Variants in SLC6A20 observed in about 807,000 individuals in gnomAD.
The protein encoded by SLC6A20 is solute carrier family 6 member 20, also known as sodium- and chloride-dependent transporter XTRP3.
Under a neutral mutation model 64.3 loss-of-function variants are expected in SLC6A20, and 73 were observed. That is an observed-to-expected ratio of 1.14 (90% CI 0.94 to 1.38). The LOEUF is 1.38. SLC6A20 is among the 40% of genes most tolerant of loss of function. The pLI is 0.00. For missense variants in SLC6A20, 725 were observed against 772.8 expected (o/e 0.94, Z 0.73); for synonymous variants, 347 against 329.6 (o/e 1.05, Z -0.57).
intron 8 of SLC6A20, among the ~76,000 whole-genome samples, chr3:45,763,594 T>G (rs1016433374): frequency 3.3e-5 from 5 of 152,128 alleles, no homozygotes; most frequent in Non-Finnish European, 7.4e-5. Context: ...TGCCAGGCAC[T>G]TGCAATGCGT....
Position 45,762,926 on chromosome 3 carries a change from A to G in SLC6A20, c.1450T>C (p.Tyr484His), listed in dbSNP as rs1335438107. The change falls in exon 9 of 11, where the codon TAC (tyrosine) becomes CAC (histidine). Residue 484 changes from tyrosine (Y) to histidine (H), a missense_variant. Transcript: ENST00000358525. ...LVETIAVCYV[Y>H]GLRRFESDLK... ...GGGCCTCCTCACCTCCTCAGCCCGT[A>G]CACGTAGCACACGGCAATCGTCTCC... 6.2e-7 allele frequency: 1 copy of G among 1,614,148 alleles called. No homozygotes were observed. Among genetic ancestry groups the G allele is most frequent in the Non-Finnish European group, 8.5e-7 (1 of 1,180,022 alleles).
intron 9 of SLC6A20, 100 bp from the exon 10 acceptor site, chr3:45,760,122 A>G (rs1699644008): frequency 7.4e-7 from 1 of 1,348,150 alleles, no homozygotes; most frequent in East Asian, 2.3e-5. Context: ...ATTCTGTTCT[A>G]GGTGGTAAAG....
chr3:45,757,178 G>A lies in SLC6A20; in HGVS notation c.*1800C>T, dbSNP rs1287190428. Reference sequence around the variant, plus strand: ...TCTCCTATCTCAGAATAGAACGAATGGGAATGGTCAGCTTTTTACACCGAG... The same window carrying A: ...TCTCCTATCTCAGAATAGAACGAATAGGAATGGTCAGCTTTTTACACCGAG... On this transcript the variant is annotated 3_prime_UTR_variant, in exon 11 of 11. Transcript: ENST00000358525. 1 of 58,128 alleles carries A rather than the reference G, an allele frequency of 1.7e-5. No homozygotes were observed. The highest frequency in any genetic ancestry group is 3.2e-5 in the Non-Finnish European group (1 of 31,562). 3.6% of individuals were successfully genotyped at this position (58,128 alleles called of 1,614,324 possible). A position where few individuals can be genotyped will look rare whatever the true frequency, so the allele number is the denominator to read the frequency against.
chr3:45,774,500 G>A (rs1315764632), intron 4 of SLC6A20, among the ~76,000 whole-genome samples: 1 of 152,192 alleles, frequency 6.6e-6, no homozygotes, highest in African/African-American at 2.4e-5. Flanking sequence ...GAGCACCTGT[G>A]CTCACTCGTC....
intron 4 of SLC6A20, among the ~76,000 whole-genome samples, chr3:45,774,968 C>T (rs991248999): frequency 6.6e-6 from 1 of 152,094 alleles, no homozygotes; most frequent in African/African-American, 2.4e-5. Context: ...GTGCTCAAGC[C>T]GTGGTGGGTC....
At position 45,756,637 on chromosome 3, in the gene SLC6A20, T is replaced by G. The variant is rs563572900; in HGVS notation, c.*2341A>C. On this transcript the variant is annotated 3_prime_UTR_variant, in exon 11 of 11. Coordinates refer to ENST00000358525, the MANE Select transcript of SLC6A20 (RefSeq NM_020208.4). Reference sequence around the variant, plus strand: ...TCCGGCCAACGTCCCAGGTGAGTGTTTGTGTCTTCAAAGATATCTGTGCAA... The same window carrying G: ...TCCGGCCAACGTCCCAGGTGAGTGTGTGTGTCTTCAAAGATATCTGTGCAA... 9.2e-5 allele frequency: 14 copies of G among 152,276 alleles called. No homozygotes were observed. The highest frequency in any genetic ancestry group is 3.4e-4 in the African/African-American group (14 of 41,550). The allele number at this position is 152,276 out of a possible 1,614,324, so 9.4% of individuals were successfully genotyped here.
intron 10 of SLC6A20, 85 bp downstream of exon 10, chr3:45,759,772 A>C: frequency 6.8e-7 from 1 of 1,470,462 alleles, no homozygotes; most frequent in Non-Finnish European, 9.1e-7. Context: ...CCATGGAAAT[A>C]GTCCCCTGGT....
At chr3:45,772,660 T>A (rs1222302132) in intron 4 of SLC6A20, 45 bp from the exon 5 acceptor site, 3 of 1,505,072 alleles carry the variant, frequency 2.0e-6, no homozygotes, top group African/African-American at 2.7e-5. Flanking sequence ...AGCAGTGGGG[T>A]CCACAGGACA....
chr3:45,777,721 G>A (rs1559568193), intron 3 of SLC6A20, among the ~76,000 whole-genome samples: 1 of 152,162 alleles, frequency 6.6e-6, no homozygotes, highest in Non-Finnish European at 1.5e-5. Context: ...AGGGGTCCTG[G>A]TAGACCTGAA....
In SLC6A20 at chr3:45,765,592, G is replaced by A. The variant is rs139256040; in HGVS notation, c.1248C>T (p.Thr416=). Residue 416 remains threonine (T), a synonymous_variant, in exon 8 of 11, where the codon ACC becomes ACT. Transcript: ENST00000358525. The surrounding 1 kb of genome is among the most constrained non-coding windows in gnomAD (Gnocchi z 4.2). ...AGATGATCTTGCTGTCTGTCAGAGG[G>A]GTGAGGATGGCCGCTGTGTTCCCCA... ...SMLGNTAAIL[T]PLTDSKIISS... The A allele has an allele frequency of 2.8e-4, 458 of 1,614,034 alleles. No homozygotes were observed. The highest frequency in any genetic ancestry group is 3.4e-4 in the Non-Finnish European group (406 of 1,180,046).
chr3:45,759,864 G>A lies in SLC6A20; in HGVS notation c.1622C>T (p.Ala541Val), dbSNP rs1699633976. Reference sequence around the variant, plus strand: ...TACGGAGACAGTAGATACCTGGGAGGCGTCCCAGGCTTGATACTTCAGGGT... The same window carrying A: ...TACGGAGACAGTAGATACCTGGGAGACGTCCCAGGCTTGATACTTCAGGGT... ...TGTLKYQAWD[A>V]SQGQLVTKDY... The change falls in exon 10 of 11, where the codon GCC (alanine) becomes GTC (valine). Residue 541 changes from alanine (A) to valine (V), a missense_variant. Coordinates refer to ENST00000358525, the MANE Select transcript of SLC6A20 (RefSeq NM_020208.4). The A allele has an allele frequency of 6.2e-7, 1 of 1,613,094 alleles. No homozygotes were observed. The highest frequency in any genetic ancestry group is 8.5e-7 in the Non-Finnish European group (1 of 1,179,568).
intron 5 of SLC6A20, 133 bp from the exon 6 acceptor site, chr3:45,771,591 G>GCCC (rs1308737642): frequency 1.1e-5 from 16 of 1,410,842 alleles, no homozygotes; most frequent in Non-Finnish European, 1.5e-5. Context: ...CACCCCTAGG[G>GCCC]CTGGAGACCA....
intron 6 of SLC6A20, 82 bp from the exon 7 acceptor site, chr3:45,770,453 TGATTAGGTGAGGAAAGG>T (rs1699842940): frequency 6.5e-7 from 1 of 1,528,918 alleles, no homozygotes; most frequent in Non-Finnish European, 8.9e-7. Flanking sequence ...TCTTCTTTTC[TGATTAGGTGAGGAAAGG>T]GAGTCTGTTG....
At chr3:45,778,172 G>C (rs1269015833) in intron 3 of SLC6A20, among the ~76,000 whole-genome samples, 1 of 152,246 alleles carries the variant, frequency 6.6e-6, no homozygotes, top group Non-Finnish European at 1.5e-5. Flanking sequence ...AGGCTGGAAA[G>C]CCTGGCCAGG....
Position 45,772,600 on chromosome 3 carries a change from C to G in SLC6A20, c.598G>C (p.Ala200Pro). The change falls in exon 5 of 11, where the codon GCG (alanine) becomes CCG (proline). Residue 200 changes from alanine to proline, a missense_variant. Ala to Pro is a conservative substitution (Grantham distance 27). Coordinates refer to ENST00000358525, the MANE Select transcript of SLC6A20 (RefSeq NM_020208.4). ...ATGAGCACGCAATAGGGCAGTGACG[C>G]CGTGAAATACACCACCTGCGGGCAT... ...ESTGKVVYFT[A>P]SLPYCVLIIY... The G allele has an allele frequency of 6.2e-7, 1 of 1,613,716 alleles. No homozygotes were observed. Among genetic ancestry groups the G allele is most frequent in the Non-Finnish European group, 8.5e-7 (1 of 1,179,886 alleles).
intron 3 of SLC6A20, among the ~76,000 whole-genome samples, chr3:45,776,397 T>C (rs1217877559): frequency 6.6e-6 from 1 of 152,120 alleles, no homozygotes; most frequent in Non-Finnish European, 1.5e-5. Flanking sequence ...TAGGACTTGG[T>C]CAATGATTGA....
Position 45,771,306 on chromosome 3 carries a change from G to T in SLC6A20, c.846C>A (p.Ile282=). 6.2e-7 allele frequency: 1 copy of T among 1,614,262 alleles called. No individual in the cohort carries two copies. The highest frequency in any genetic ancestry group is 8.5e-7 in the Non-Finnish European group (1 of 1,180,044). Residue 282 remains isoleucine (I), a synonymous_variant, in exon 6 of 11, where the codon ATC becomes ATA. Transcript: ENST00000358525. ...TGGCAAATATGGAGGTGAAGCTGTT[G>T]ATGAGGGACACGATGATGGCGTGCT... ...CQKHAIIVSL[I]NSFTSIFASI... is the part of the protein sequence containing the mutation.
chr3:45,782,167 A>C lies in SLC6A20; in HGVS notation c.178T>G (p.Tyr60Asp). 6.2e-7 allele frequency: 1 copy of C among 1,613,886 alleles called. No homozygotes were observed. Among genetic ancestry groups the C allele is most frequent in the Non-Finnish European group, 8.5e-7 (1 of 1,179,890 alleles). Residue 60 changes from tyrosine (Y) to aspartate (D), a missense_variant, in exon 2 of 11, where the codon TAC becomes GAC. Coordinates refer to ENST00000358525, the MANE Select transcript of SLC6A20 (RefSeq NM_020208.4). ...MLIVEGMPLLYLELAVGQRMR... is the reference protein window; with the variant it reads ...MLIVEGMPLLDLELAVGQRMR... ...CGCTGCCCCACAGCCAGTTCCAGGT[A>C]CAAGAGCGGCATTCCCTCCACGATA...
At position 45,772,532 on chromosome 3, in the gene SLC6A20, A is replaced by T. The variant is rs375971612; in HGVS notation, c.666T>A (p.Asn222Lys). 3.0e-5 allele frequency: 48 copies of T among 1,613,824 alleles called. No individual in the cohort carries two copies. The highest frequency in any genetic ancestry group is 1.2e-4 in the Admixed American group (7 of 59,960). The change falls in exon 5 of 11, where the codon AAT becomes AAA. Residue 222 changes from asparagine (N) to lysine (K), a missense_variant. Physicochemically the swap from Asn to Lys is moderately conservative, Grantham distance 94. Coordinates refer to ENST00000358525, the MANE Select transcript of SLC6A20 (RefSeq NM_020208.4). ...IRGLTLHGAT[N>K]GLMYMFTPKI... ...TGGGAGTGAACATGTACATGAGGCC[A>T]TTGGTGGCTCCGTGGAGCGTGAGGC...
Sources: gnomAD v4.1 joint callset for allele counts (sites outside exome capture counted in the v4.1 genomes callset) on GRCh38, gnomAD v4.1.1 for gene constraint, Gnocchi (gnomAD v3.1) non-coding constraint, MANE v1.5 for transcripts, NCBI Gene and HGNC (gene_info 2026-07-23, HGNC 2026-07-21) for gene names.